Variants in CSMD1 observed in about 807,000 individuals in gnomAD.
CSMD1 encodes CUB and Sushi multiple domains 1.
CSMD1 carries 213 observed loss-of-function variants against 417.5 expected under a neutral mutation model. That is an observed-to-expected ratio of 0.51 (90% CI 0.46 to 0.57). The LOEUF is 0.57. Among genes scored for constraint, CSMD1 ranks in the 20% least tolerant of loss-of-function variants. The probability of loss-of-function intolerance (pLI) is 0.00; values close to 1 mark genes in which losing one functional copy is unlikely to be tolerated. For missense variants in CSMD1, 6,923 were observed against 4,529.7 expected (o/e 1.53, Z -15.17); for synonymous variants, 2,862 against 1,736.8 (o/e 1.65, Z -16.11).
intron 2 of CSMD1, among the ~76,000 whole-genome samples, chr8:4,424,370 A>C (rs748650453): frequency 6.6e-6 from 1 of 151,776 alleles, no homozygotes; most frequent in African/African-American, 2.4e-5. Context: ...CAATTAGAAA[A>C]TAGGCAACAA....
chr8:4,661,864 A>T, intron 1 of CSMD1, among the ~76,000 whole-genome samples: 1 of 152,204 alleles, frequency 6.6e-6, no homozygotes, highest in East Asian at 1.9e-4. Context: ...GTTATCATGG[A>T]GATGAAGGAC....
At chr8:3,179,795 G>T (rs73493931) in intron 37 of CSMD1, among the ~76,000 whole-genome samples, 2 of 152,154 alleles carry the variant, frequency 1.3e-5, no homozygotes, top group African/African-American at 4.8e-5. Flanking sequence ...AGATTTTCCA[G>T]ACACATCCTA....
chr8:4,885,108 G>A (rs1803653372), intron 1 of CSMD1, among the ~76,000 whole-genome samples: 1 of 151,920 alleles, frequency 6.6e-6, no homozygotes, highest in Admixed American at 6.5e-5. Context: ...TAAATGGAAT[G>A]GTATTCTTAA....
At chr8:3,299,099 G>A (rs555200074) in intron 25 of CSMD1, among the ~76,000 whole-genome samples, 27 of 152,186 alleles carry the variant, frequency 1.8e-4, no homozygotes, top group African/African-American at 6.0e-4. Context: ...TTATTCAAAT[G>A]TAAAATTGTT....
intron 1 of CSMD1, among the ~76,000 whole-genome samples, chr8:4,729,923 C>T (rs1227108046): frequency 6.6e-6 from 1 of 152,154 alleles, no homozygotes; most frequent in African/African-American, 2.4e-5. Flanking sequence ...TGATTTTCAT[C>T]CTTTCCATGG....
At chr8:3,320,389 C>G (rs4875610) in intron 23 of CSMD1, among the ~76,000 whole-genome samples, 2 of 151,924 alleles carry the variant, frequency 1.3e-5, no homozygotes, top group African/African-American at 4.8e-5. Context: ...CATGCTGTAG[C>G]GATTTTTACA....
chr8:4,732,215 C>A (rs1042714090), intron 1 of CSMD1, among the ~76,000 whole-genome samples: 20 of 152,022 alleles, frequency 1.3e-4, no homozygotes, highest in Admixed American at 1.3e-3. Context: ...TGTATCAGAC[C>A]CCATGGGTAG....
At chr8:4,382,771 A>T (rs1803188135) in intron 3 of CSMD1, among the ~76,000 whole-genome samples, 1 of 152,246 alleles carries the variant, frequency 6.6e-6, no homozygotes, top group Non-Finnish European at 1.5e-5. Flanking sequence ...TAAAAGAAAC[A>T]CAAAATAATA....
At chr8:4,954,468 A>G (rs1293534501) in intron 1 of CSMD1, among the ~76,000 whole-genome samples, 1 of 152,208 alleles carries the variant, frequency 6.6e-6, no homozygotes, top group Non-Finnish European at 1.5e-5. Context: ...GATTTGAATG[A>G]TGACTGAAAT....
intron 5 of CSMD1, among the ~76,000 whole-genome samples, chr8:3,971,377 C>T (rs183301883): frequency 8.5e-5 from 13 of 152,256 alleles, no homozygotes; most frequent in Admixed American, 3.3e-4. Context: ...ATATAAATGA[C>T]GACTGTCCCT....
At chr8:3,602,443 C>T (rs545063270) in intron 8 of CSMD1, among the ~76,000 whole-genome samples, 3 of 152,184 alleles carry the variant, frequency 2.0e-5, no homozygotes, top group Admixed American at 6.5e-5. Flanking sequence ...GGGGGAATGG[C>T]CCCAAAATCA....
chr8:3,873,980 T>C (rs1033272195), intron 5 of CSMD1, among the ~76,000 whole-genome samples: 22 of 152,288 alleles, frequency 1.4e-4, no homozygotes, highest in Non-Finnish European at 1.5e-4. Context: ...GTTGGTGACA[T>C]AGGTCTGTTT....
In CSMD1 at chr8:4,127,453, GAA is replaced by G. The variant is rs199764792; in HGVS notation, c.416-95356_416-95355del. ...AGGACACAGTTTTCCAAGCATTAAT[GAA>G]AAAAAAAAAAAAAAAAAAAAAAAAG... On this transcript the variant is annotated intron_variant, in intron 3 of 69. Coordinates refer to ENST00000635120, the MANE Select transcript of CSMD1 (RefSeq NM_033225.6). Among the ~76,000 whole-genome samples, 183 of 102,732 alleles carry G rather than the reference GAA, an allele frequency of 1.8e-3. 1 individual carries two copies. The highest frequency in any genetic ancestry group is 4.8e-3 in the African/African-American group (127 of 26,514). 67.4% of individuals were successfully genotyped at this position (102,732 alleles called of 152,430 possible). A position where few individuals can be genotyped will look rare whatever the true frequency, so the allele number is the denominator to read the frequency against.
At chr8:3,929,432 G>C (rs1463854818) in intron 5 of CSMD1, among the ~76,000 whole-genome samples, 1 of 150,384 alleles carries the variant, frequency 6.6e-6, no homozygotes, top group African/African-American at 2.5e-5. Context: ...CATGAGAAGT[G>C]GGTCCAAAAG....
At chr8:4,024,779 A>C (rs1031055803) in intron 4 of CSMD1, among the ~76,000 whole-genome samples, 2 of 152,208 alleles carry the variant, frequency 1.3e-5, no homozygotes, top group African/African-American at 2.4e-5. Flanking sequence ...AAACATACGT[A>C]GTTTATGACA....
At chr8:3,903,018 T>C (rs1222188286) in intron 5 of CSMD1, among the ~76,000 whole-genome samples, 1 of 152,050 alleles carries the variant, frequency 6.6e-6, no homozygotes, top group East Asian at 1.9e-4. Flanking sequence ...TGAATGCACG[T>C]TTCTGTGTTA....
At chr8:4,108,731 C>T (rs984613048) in intron 3 of CSMD1, among the ~76,000 whole-genome samples, 3 of 151,506 alleles carry the variant, frequency 2.0e-5, no homozygotes, top group Admixed American at 6.6e-5. Context: ...GTATGCATAC[C>T]GACTTTTGTT....
chr8:3,472,308 C>A (rs945550748), intron 11 of CSMD1, among the ~76,000 whole-genome samples: 2 of 152,130 alleles, frequency 1.3e-5, no homozygotes, highest in Non-Finnish European at 2.9e-5. Flanking sequence ...GACCACACTG[C>A]AACATCTTTT....
intron 3 of CSMD1, among the ~76,000 whole-genome samples, chr8:4,175,202 T>A (rs1253203702): frequency 6.6e-6 from 1 of 152,046 alleles, no homozygotes; most frequent in Admixed American, 6.5e-5. Context: ...CTGGGGAAAA[T>A]TGAGCTCAAG....
Sources: gnomAD v4.1 joint callset for allele counts (sites outside exome capture counted in the v4.1 genomes callset) on GRCh38, gnomAD v4.1.1 for gene constraint, MANE v1.5 for transcripts, NCBI Gene and HGNC (gene_info 2026-07-23, HGNC 2026-07-21) for gene names.